ZFC3H1: variants seen among roughly 807,000 people sequenced by gnomAD.
ZFC3H1 encodes the protein zinc finger C3H1-type containing.
In ZFC3H1, 71 loss-of-function variants were observed where a neutral mutation model predicts 243.7. The ratio of observed to expected loss-of-function variants is 0.29; its 90% CI spans 0.24 to 0.36. The LOEUF (loss-of-function observed/expected upper bound fraction) is 0.36, where lower values mean the gene tolerates loss of function less well. Ranked by LOEUF, ZFC3H1 falls within the 10% of genes least tolerant of loss-of-function variation. ZFC3H1 has a pLI of 1.00. For synonymous variants in ZFC3H1, 838 were observed against 813.0 expected (o/e 1.03, Z -0.52); for missense variants, 1,966 against 2,317.1 (o/e 0.85, Z 3.11).
At chr12:71,641,364 G>A (rs1446610773) in intron 6 of ZFC3H1, among the ~76,000 whole-genome samples, 1 of 152,104 alleles carries the variant, frequency 6.6e-6, no homozygotes, top group African/African-American at 2.4e-5. Context: ...ATTTTGTTTT[G>A]TCTCTAGTCT....
Position 71,663,312 on chromosome 12 carries a change from C to T in ZFC3H1, c.299G>A (p.Gly100Glu), listed in dbSNP as rs1881240477. 2.5e-6 allele frequency: 4 copies of T among 1,613,330 alleles called. No individual in the cohort carries two copies. The highest frequency in any genetic ancestry group is 3.4e-6 in the Non-Finnish European group (4 of 1,180,030). ...TTCTTTGGGTCGGTAGCTGCTGGGT[C>T]CCCTGAGGTGGCCCCGCTCAGACGC... ...RHASERGHLR[G>E]PSSYRPKEPF... The change falls in exon 1 of 35, where the codon GGA becomes GAA. Residue 100 changes from glycine to glutamate, a missense_variant. By Grantham distance (98) the Gly-to-Glu change is moderately conservative. This residue lies in a region of ZFC3H1 where 484 missense variants were observed against 449.7 expected (regional missense o/e 1.08). Coordinates refer to ENST00000378743, the MANE Select transcript of ZFC3H1 (RefSeq NM_144982.5).
intron 3 of ZFC3H1, among the ~76,000 whole-genome samples, chr12:71,647,514 A>G (rs562595594): frequency 6.6e-6 from 1 of 152,348 alleles, no homozygotes; most frequent in Admixed American, 6.5e-5. Flanking sequence ...ATTAAAAAAA[A>G]GATCCCGTAT....
chr12:71,616,755 G>A (rs2137516663), intron 27 of ZFC3H1, among the ~76,000 whole-genome samples: 1 of 152,226 alleles, frequency 6.6e-6, no homozygotes, highest in East Asian at 1.9e-4. Flanking sequence ...CGGGCTGTAT[G>A]GGGGGCAAAC....
Position 71,636,868 on chromosome 12 carries a change from T to C in ZFC3H1, c.1917A>G (p.Lys639=), listed in dbSNP as rs1017096894. 1.9e-6 allele frequency: 3 copies of C among 1,613,944 alleles called. No homozygotes were observed. In the African/African-American group the frequency reaches 4.0e-5, roughly 22 times the overall value. The change falls in exon 8 of 35, where the codon AAA becomes AAG. Residue 639 remains lysine, a synonymous_variant. Transcript: ENST00000378743. ...REELLKSLAN[K]RAFKPEETSS... The stretch of plus-strand genomic sequence containing the variant: ...AAATTACCTCTGGCTTAAAAGCTCT[T>C]TTATTTGCTAGAGATTTAAGTAGTT...
At chr12:71,656,131 G>A (rs933907293) in intron 2 of ZFC3H1, among the ~76,000 whole-genome samples, 7 of 152,122 alleles carry the variant, frequency 4.6e-5, no homozygotes, top group Non-Finnish European at 7.4e-5. Flanking sequence ...GCTGAGGGAC[G>A]GGATAACTAC....
chr12:71,651,710 G>A (rs1880891228), intron 2 of ZFC3H1, among the ~76,000 whole-genome samples: 1 of 152,164 alleles, frequency 6.6e-6, no homozygotes, highest in South Asian at 2.1e-4. Flanking sequence ...ATTGAAAAGA[G>A]GAAGAATACT....
intron 30 of ZFC3H1, 82 bp downstream of exon 30, chr12:71,614,453 T>C: frequency 5.3e-6 from 7 of 1,316,562 alleles, no homozygotes; most frequent in Admixed American, 5.2e-5. Flanking sequence ...GCTCTCTTGA[T>C]ATAAAACAGG....
At chr12:71,624,399 T>C in intron 22 of ZFC3H1, 107 bp from the exon 23 acceptor site, 1 of 1,203,182 alleles carries the variant, frequency 8.3e-7, no homozygotes, top group South Asian at 1.6e-5. Flanking sequence ...ATCTTCAACT[T>C]CTGCAAAAAG....
chr12:71,642,575 T>C lies in ZFC3H1; in HGVS notation c.1504-16A>G. ...GATCTGAAGACTAAGTATACAACAC[T>C]TTTTTAGTTTCAAAGCATTTTCTGT... On this transcript the variant is annotated splice_polypyrimidine_tract_variant and intron_variant, in intron 5 of 34. Transcript: ENST00000378743. The C allele has an allele frequency of 1.3e-6, 2 of 1,586,868 alleles. No homozygotes were observed. Among genetic ancestry groups the C allele is most frequent in the Non-Finnish European group, 8.6e-7 (1 of 1,167,668 alleles).
intron 6 of ZFC3H1, among the ~76,000 whole-genome samples, chr12:71,640,983 G>C (rs1156428699): frequency 1.3e-5 from 2 of 151,748 alleles, no homozygotes; most frequent in Non-Finnish European, 2.9e-5. Flanking sequence ...ATATGTCTGT[G>C]TTGGCAAAAT....
intron 6 of ZFC3H1, 41 bp from the exon 7 acceptor site, chr12:71,638,556 A>G (rs1365605008): frequency 1.4e-5 from 20 of 1,439,606 alleles, no homozygotes; most frequent in Non-Finnish European, 1.7e-5. Flanking sequence ...TAACAGAAAT[A>G]CTTCATCAGG....
chr12:71,643,987 TCCAAGAG>T (rs1320501938), intron 5 of ZFC3H1, 101 bp downstream of exon 5: 5 of 1,011,020 alleles, frequency 4.9e-6, no homozygotes, highest in Middle Eastern at 3.2e-4. Context: ...CTTCCTTTTT[TCCAAGAG>T]TTATTTATAA....
chr12:71,628,871 A>G (rs1880239463), intron 20 of ZFC3H1, 47 bp downstream of exon 20: 15 of 1,535,290 alleles, frequency 9.8e-6, no homozygotes, highest in Non-Finnish European at 1.3e-5. Flanking sequence ...TAAAGATGGA[A>G]CACCACAATT....
chr12:71,661,313 T>C (rs1258978009), intron 1 of ZFC3H1, among the ~76,000 whole-genome samples: 3 of 151,624 alleles, frequency 2.0e-5, no homozygotes, highest in Admixed American at 6.6e-5. Flanking sequence ...AATAAATAAA[T>C]AAATAAATAA....
At chr12:71,625,888 A>G (rs990845270) in intron 22 of ZFC3H1, among the ~76,000 whole-genome samples, 1 of 152,228 alleles carries the variant, frequency 6.6e-6, no homozygotes, top group Non-Finnish European at 1.5e-5. Context: ...TTATAGAGGC[A>G]ATTTAAGATA....
At chr12:71,618,605 G>C (rs1009503896) in intron 27 of ZFC3H1, among the ~76,000 whole-genome samples, 11 of 152,128 alleles carry the variant, frequency 7.2e-5, no homozygotes, top group Non-Finnish European at 1.5e-4. Flanking sequence ...CAACATAGTA[G>C]AGTAGTGGTA....
chr12:71,647,921 G>A, intron 2 of ZFC3H1, 108 bp from the exon 3 acceptor site: 1 of 424,840 alleles, frequency 2.4e-6, no homozygotes, highest in Non-Finnish European at 4.0e-6. Flanking sequence ...ATCATTAAAG[G>A]GTCTCATTTT....
At position 71,642,484 on chromosome 12, in the gene ZFC3H1, TATC is replaced by T; in HGVS notation, c.1576_1578del (p.Asp526del). On this transcript the variant is annotated inframe_deletion, in exon 6 of 35. Coordinates refer to ENST00000378743, the MANE Select transcript of ZFC3H1 (RefSeq NM_144982.5). ...GTATCCATAGCAACTTCTTCATAGT[TATC>T]ATACTGATAAATGCCTCCTCCACTA... 1 of 1,613,648 alleles carries T rather than the reference TATC, an allele frequency of 6.2e-7. No homozygotes were observed. The highest frequency in any genetic ancestry group is 8.5e-7 in the Non-Finnish European group (1 of 1,179,782).
In ZFC3H1 at chr12:71,635,454, G is replaced by A; in HGVS notation, c.2227C>T (p.Arg743Ter). The change falls in exon 10 of 35, where the codon CGA becomes TGA. Residue 743 changes from arginine (R) to a stop codon, truncating the protein, a stop_gained. Coordinates refer to ENST00000378743, the MANE Select transcript of ZFC3H1 (RefSeq NM_144982.5). LOFTEE classifies it high-confidence loss of function. ...GLESMIKEAR[R>*]TAEQASKPKV... ...ATTATTGCACTTACCTCAGCAGTTCGTCTTGCTTCTTTAATCATGGACTCT... is the reference window on the plus strand; with the variant it reads ...ATTATTGCACTTACCTCAGCAGTTCATCTTGCTTCTTTAATCATGGACTCT... 1.3e-6 allele frequency: 2 copies of A among 1,573,402 alleles called. No homozygotes were observed. Among genetic ancestry groups the A allele is most frequent in the Non-Finnish European group, 1.7e-6 (2 of 1,165,676 alleles).
Sources: allele counts gnomAD v4.1 joint callset (sites outside exome capture counted in the v4.1 genomes callset), GRCh38; gene constraint gnomAD v4.1.1; regional missense constraint gnomAD v4.1.1; transcripts MANE v1.5; gene names NCBI Gene and HGNC (gene_info 2026-07-23, HGNC 2026-07-21).